The following GRIK4 variants were observed in gnomAD, a reference collection of about 807,000 sequenced individuals.
GRIK4 encodes glutamate receptor ionotropic, kainate 4.
GRIK4 carries 40 observed loss-of-function variants against 104.9 expected under a neutral mutation model. The observed-to-expected ratio is 0.38, with a 90% CI of 0.30 to 0.50. The LOEUF (loss-of-function observed/expected upper bound fraction) is 0.50, where lower values mean the gene tolerates loss of function less well. GRIK4 is among the 20% of genes least tolerant of loss of function. The pLI is 0.93. For missense variants in GRIK4, 1,047 were observed against 1,308.1 expected (o/e 0.80, Z 3.08); for synonymous variants, 485 against 524.9 (o/e 0.92, Z 1.04).
At chr11:120,815,239 A>G in intron 4 of GRIK4, 139 bp from the exon 5 acceptor site, 1 of 593,488 alleles carries the variant, frequency 1.7e-6, no homozygotes, top group Non-Finnish European at 3.0e-6. Context: ...CTGGGTTTCG[A>G]AGGGTTGGAG....
intron 1 of GRIK4, among the ~76,000 whole-genome samples, chr11:120,627,230 G>T (rs944064278): frequency 6.6e-6 from 1 of 152,220 alleles, no homozygotes; most frequent in African/African-American, 2.4e-5. Flanking sequence ...AGTTAATCCA[G>T]TTCTTCCTTC....
intron 1 of GRIK4, among the ~76,000 whole-genome samples, chr11:120,617,285 TAATA>T (rs966721243): frequency 2.0e-5 from 3 of 152,262 alleles, no homozygotes; most frequent in Non-Finnish European, 4.4e-5. Flanking sequence ...AGTAGGTGGT[TAATA>T]AATAATGGTT....
rs181389049 is a variant in GRIK4, at chr11:120,781,587, A to G, written c.83-21106A>G. On this transcript the variant is annotated intron_variant, in intron 3 of 20. Coordinates refer to ENST00000527524, the MANE Select transcript of GRIK4 (RefSeq NM_014619.5). ...TGCTGTTCTTGAACTCTTGAGCTTA[A>G]GCAGTCCTCCCACCTTGGCCTCCCA... is the stretch of plus-strand genomic sequence containing the variant. Among the ~76,000 whole-genome samples, 7 of 152,210 alleles carry G rather than the reference A, an allele frequency of 4.6e-5. No individual in the cohort carries two copies. The East Asian group carries it at 1.4e-3, about 29-fold the overall frequency.
At chr11:120,695,229 G>A (rs897520189) in intron 3 of GRIK4, among the ~76,000 whole-genome samples, 3 of 152,206 alleles carry the variant, frequency 2.0e-5, no homozygotes, top group African/African-American at 7.2e-5. Context: ...CAGCTATAGG[G>A]CCACCCCAAC....
chr11:120,637,843 G>C (rs1023255314), intron 1 of GRIK4, among the ~76,000 whole-genome samples: 1 of 151,936 alleles, frequency 6.6e-6, no homozygotes, highest in Admixed American at 6.6e-5. Flanking sequence ...TGTTCCTAGA[G>C]TGATGGCATC....
At chr11:120,514,938 C>T (rs1338872123) in intron 1 of GRIK4, 1 of 456,180 alleles carries the variant, frequency 2.2e-6, no homozygotes, top group Non-Finnish European at 4.4e-6. Context: ...GTTGGGCCTC[C>T]AGCCTCAGTT....
At chr11:120,551,946 C>G (rs1307259555) in intron 1 of GRIK4, among the ~76,000 whole-genome samples, 2 of 152,118 alleles carry the variant, frequency 1.3e-5, no homozygotes, top group Non-Finnish European at 2.9e-5. Context: ...GCATATAAGC[C>G]CTGCGGCCCT....
intron 3 of GRIK4, among the ~76,000 whole-genome samples, chr11:120,754,183 A>T (rs1006782078): frequency 6.6e-6 from 1 of 152,144 alleles, no homozygotes; most frequent in Non-Finnish European, 1.5e-5. Flanking sequence ...GGCGCCCGCC[A>T]CCGTGCCAAG....
At chr11:120,718,865 C>G (rs1428128962) in intron 3 of GRIK4, among the ~76,000 whole-genome samples, 1 of 152,192 alleles carries the variant, frequency 6.6e-6, no homozygotes, top group Non-Finnish European at 1.5e-5. Flanking sequence ...CCGTTCAGTC[C>G]CTTGCTGACT....
At chr11:120,911,527 G>A (rs1488563802) in intron 13 of GRIK4, among the ~76,000 whole-genome samples, 7 of 142,738 alleles carry the variant, frequency 4.9e-5, no homozygotes, top group African/African-American at 7.6e-5. Context: ...TTGAGCCACC[G>A]CGCCCGGCCC....
chr11:120,690,009 GT>G (rs202013473), intron 3 of GRIK4, among the ~76,000 whole-genome samples: 5 of 151,778 alleles, frequency 3.3e-5, no homozygotes, highest in South Asian at 2.1e-4. Flanking sequence ...TGTAATTAAA[GT>G]TTTTTTTTCC....
chr11:120,646,015 A>C (rs1346212168), intron 1 of GRIK4, among the ~76,000 whole-genome samples: 1 of 152,192 alleles, frequency 6.6e-6, no homozygotes, highest in Non-Finnish European at 1.5e-5. Flanking sequence ...GCCGTTCCAT[A>C]GCAGGGATGT....
chr11:120,599,634 G>A (rs1164486745), intron 1 of GRIK4, among the ~76,000 whole-genome samples: 1 of 152,204 alleles, frequency 6.6e-6, no homozygotes, highest in Non-Finnish European at 1.5e-5. Flanking sequence ...CAGGGATATA[G>A]TGCCCCGTTT....
chr11:120,705,232 C>CTT (rs902505786), intron 3 of GRIK4, among the ~76,000 whole-genome samples: 1,974 of 139,110 alleles, frequency 0.014, 64 homozygotes, highest in East Asian at 0.13. Flanking sequence ...TCTTTCTTTT[C>CTT]TTTTTTTTTT....
intron 3 of GRIK4, among the ~76,000 whole-genome samples, chr11:120,665,036 C>T (rs1168802058): frequency 1.3e-5 from 2 of 151,902 alleles, no homozygotes; most frequent in East Asian, 3.9e-4. Flanking sequence ...AGTTGGTTTC[C>T]CCCCAATGAG....
At chr11:120,985,666 G>A (rs1005822295) in intron 20 of GRIK4, among the ~76,000 whole-genome samples, 5 of 151,868 alleles carry the variant, frequency 3.3e-5, no homozygotes, top group Non-Finnish European at 5.9e-5. Context: ...CTTTGAAGGT[G>A]TTCAAACAAA....
Position 120,798,157 on chromosome 11 carries a change from C to CTTTTT in GRIK4, c.83-4515_83-4511dup, listed in dbSNP as rs539833846. 4.4e-3 allele frequency among the ~76,000 whole-genome samples: 302 copies of CTTTTT among 68,108 alleles called. 17 individuals are homozygous for CTTTTT. Among genetic ancestry groups the CTTTTT allele is most frequent in the African/African-American group, 0.013 (266 of 20,536 alleles). 44.7% of individuals were successfully genotyped at this position (68,108 alleles called of 152,430 possible). A position where few individuals can be genotyped will look rare whatever the true frequency, so the allele number is the denominator to read the frequency against. ...AAAAAGAGAGTGAGCTCTGCTGTCT[C>CTTTTT]TTTTTTTTTTTTTTTTTTTTTTTTT... On this transcript the variant is annotated intron_variant, in intron 3 of 20. Coordinates refer to ENST00000527524, the MANE Select transcript of GRIK4 (RefSeq NM_014619.5).
chr11:120,882,656 A>C (rs944136747), intron 11 of GRIK4, among the ~76,000 whole-genome samples: 1 of 152,310 alleles, frequency 6.6e-6, no homozygotes, highest in Non-Finnish European at 1.5e-5. Context: ...AAAATAGTTG[A>C]CAACATCTCA....
intron 3 of GRIK4, among the ~76,000 whole-genome samples, chr11:120,745,673 G>A (rs754011174): frequency 7.9e-5 from 12 of 152,178 alleles, no homozygotes; most frequent in Non-Finnish European, 1.2e-4. Context: ...ATTCAACAAC[G>A]TTTGTCCTCT....
Sources: allele counts gnomAD v4.1 joint callset (sites outside exome capture counted in the v4.1 genomes callset), GRCh38; gene constraint gnomAD v4.1.1; transcripts MANE v1.5; gene names NCBI Gene and HGNC (gene_info 2026-07-23, HGNC 2026-07-21).